Variants in MRPS31 observed in about 807,000 individuals in gnomAD.
MRPS31 encodes small ribosomal subunit protein mS31.
In MRPS31, 32 loss-of-function variants were observed where a neutral mutation model predicts 43.1. The ratio of observed to expected loss-of-function variants is 0.74; its 90% CI spans 0.56 to 1.00. The LOEUF is 1.00. Ranked by LOEUF, MRPS31 falls within the 50% of genes least tolerant of loss-of-function variation. The pLI, the probability that MRPS31 is intolerant of heterozygous loss-of-function variation, is 0.00. For synonymous variants in MRPS31, 165 were observed against 161.6 expected (o/e 1.02, Z -0.16); for missense variants, 437 against 466.7 (o/e 0.94, Z 0.59).
chr13:40,753,969 G>C (rs979865943), intron 5 of MRPS31, 50 bp downstream of exon 5: 2 of 1,160,048 alleles, frequency 1.7e-6, no homozygotes, highest in East Asian at 2.4e-5. Flanking sequence ...GGACATCCTG[G>C]AACGATGGAA....
Position 40,771,085 on chromosome 13 carries a change from G to A in MRPS31, c.52C>T (p.Pro18Ser). The A allele has an allele frequency of 6.2e-7, 1 of 1,614,074 alleles. No individual in the cohort carries two copies. Among genetic ancestry groups the A allele is most frequent in the Non-Finnish European group, 8.5e-7 (1 of 1,179,974 alleles). The change falls in exon 1 of 7, where the codon CCT becomes TCT. Residue 18 changes from proline (P) to serine (S), a missense_variant. Physicochemically the swap from Pro to Ser is moderately conservative, Grantham distance 74. Transcript: ENST00000323563. ...FLPLRPLSRH[P>S]LSSGSPETSA... ...GTCTCCGGGCTTCCAGAGGACAAAGGGTGGCGGGAAAGGGGGCGAAGAGGT... is the reference window on the plus strand; with the variant it reads ...GTCTCCGGGCTTCCAGAGGACAAAGAGTGGCGGGAAAGGGGGCGAAGAGGT...
chr13:40,769,072 T>C (rs1880926304), intron 1 of MRPS31, among the ~76,000 whole-genome samples: 1 of 151,970 alleles, frequency 6.6e-6, no homozygotes, highest in African/African-American at 2.4e-5. Flanking sequence ...TATCAGACCC[T>C]GGGTTAAATA....
chr13:40,767,158 G>T, intron 1 of MRPS31, 125 bp from the exon 2 acceptor site: 8 of 750,456 alleles, frequency 1.1e-5, no homozygotes, highest in South Asian at 2.4e-5. Flanking sequence ...AGCCCTTTCC[G>T]TTGCTTTTTT....
intron 6 of MRPS31, among the ~76,000 whole-genome samples, chr13:40,739,893 A>T (rs1329679090): frequency 2.0e-5 from 3 of 151,970 alleles, no homozygotes; most frequent in African/African-American, 4.8e-5. Flanking sequence ...GGACTTCATG[A>T]CTAAAACACC....
chr13:40,732,627 G>T (rs1459042751), intron 6 of MRPS31, among the ~76,000 whole-genome samples: 2 of 151,980 alleles, frequency 1.3e-5, no homozygotes, highest in Non-Finnish European at 2.9e-5. Context: ...CTAGTACCTG[G>T]AACGCTGGGG....
At position 40,771,128 on chromosome 13, in the gene MRPS31, A is replaced by G. The variant is rs1880999964; in HGVS notation, c.9T>C (p.Pro3=). The part of the protein sequence containing the change: MF[P]RVSTFLPLRP... ...GAAGAGGTAGGAACGTCGAGACTCT[A>G]GGAAACATCGCCGAGACACGAAATG... is the stretch of plus-strand genomic sequence containing the variant. The change falls in exon 1 of 7, where the codon CCT becomes CCC. Residue 3 remains proline (P), a synonymous_variant. Transcript: ENST00000323563. 1.2e-6 allele frequency: 2 copies of G among 1,603,216 alleles called. No individual in the cohort carries two copies. The highest frequency in any genetic ancestry group is 2.2e-5 in the South Asian group (2 of 90,518).
chr13:40,741,493 T>G (rs1442567985), intron 6 of MRPS31, among the ~76,000 whole-genome samples: 1 of 152,102 alleles, frequency 6.6e-6, no homozygotes, highest in Non-Finnish European at 1.5e-5. Context: ...ATGAAAAGAT[T>G]TGTAATCTGG....
chr13:40,729,425 A>G lies in MRPS31; in HGVS notation c.1135T>C (p.Tyr379His), dbSNP rs1237262542. The G allele has an allele frequency of 6.3e-7, 1 of 1,591,334 alleles. No homozygotes were observed. The highest frequency in any genetic ancestry group is 8.6e-7 in the Non-Finnish European group (1 of 1,161,330). Residue 379 changes from tyrosine to histidine, a missense_variant, in exon 7 of 7, where the codon TAT becomes CAT. Coordinates refer to ENST00000323563, the MANE Select transcript of MRPS31 (RefSeq NM_005830.4). ...AGAATATCCTTTTTTTCATTAAAAT[A>G]ATTTCTAAACCACTCTATGTGTTCA... ...KVEHIEWFRN[Y>H]FNEKKDILKE... is the part of the protein sequence containing the mutation.
At chr13:40,753,885 C>T (rs1261385314) in intron 5 of MRPS31, 134 bp downstream of exon 5, 6 of 625,906 alleles carry the variant, frequency 9.6e-6, no homozygotes, top group East Asian at 3.3e-5. Context: ...TTGTAACAAC[C>T]GCCACATTCA....
At chr13:40,751,082 C>T (rs886536385) in intron 5 of MRPS31, among the ~76,000 whole-genome samples, 3 of 152,032 alleles carry the variant, frequency 2.0e-5, no homozygotes, top group African/African-American at 7.2e-5. Flanking sequence ...GAATCTATTT[C>T]TATGAGCCTT....
At chr13:40,739,504 A>G (rs1880018579) in intron 6 of MRPS31, among the ~76,000 whole-genome samples, 1 of 152,206 alleles carries the variant, frequency 6.6e-6, no homozygotes, top group Non-Finnish European at 1.5e-5. Flanking sequence ...CAAAAGAACA[A>G]AGCTGGAGGC....
chr13:40,752,024 TC>T (rs1285665806), intron 5 of MRPS31, among the ~76,000 whole-genome samples: 1 of 151,512 alleles, frequency 6.6e-6, no homozygotes, highest in Non-Finnish European at 1.5e-5. Context: ...ACAACCAATT[TC>T]TTTCTTTCTT....
At chr13:40,755,121 T>G (rs1007194694) in intron 4 of MRPS31, among the ~76,000 whole-genome samples, 3 of 152,258 alleles carry the variant, frequency 2.0e-5, no homozygotes, top group East Asian at 1.9e-4. Context: ...ATTACTTCTC[T>G]CTACTAAATA....
chr13:40,755,711 C>T (rs1335945516), intron 4 of MRPS31, among the ~76,000 whole-genome samples: 2 of 152,226 alleles, frequency 1.3e-5, no homozygotes, highest in Non-Finnish European at 2.9e-5. Flanking sequence ...CTTCCCCTTA[C>T]TCACCTCTGG....
chr13:40,737,131 C>T (rs1314558449), intron 6 of MRPS31, among the ~76,000 whole-genome samples: 57 of 150,274 alleles, frequency 3.8e-4, no homozygotes, highest in African/African-American at 1.3e-3. Flanking sequence ...GGGTTGCAAT[C>T]CTAGTCTCTG....
intron 5 of MRPS31, among the ~76,000 whole-genome samples, chr13:40,750,419 T>C (rs1880353790): frequency 6.6e-6 from 1 of 151,962 alleles, no homozygotes; most frequent in South Asian, 2.1e-4. Context: ...CAAGGAAACT[T>C]TGGAGGGTCA....
Position 40,743,316 on chromosome 13 carries a change from C to CA in MRPS31, c.958+5821dup, listed in dbSNP as rs1219480963. Reference sequence around the variant, plus strand: ...GGCAACAAGAGCGAAAACTCTGTCTCAAAAAAAAAAAAAGCAACTGTAACA... The same window carrying CA: ...GGCAACAAGAGCGAAAACTCTGTCTCAAAAAAAAAAAAAAGCAACTGTAACA... On this transcript the variant is annotated intron_variant, in intron 6 of 6. Coordinates refer to ENST00000323563, the MANE Select transcript of MRPS31 (RefSeq NM_005830.4). Among the ~76,000 whole-genome samples the CA allele has an allele frequency of 5.0e-3, 591 of 117,868 alleles. 7 individuals carry two copies. The East Asian group carries it at 0.069, about 14-fold the overall frequency. The allele number at this position is 117,868 out of a possible 152,430, so 77.3% of individuals were successfully genotyped here.
chr13:40,760,281 T>G (rs75088918), intron 2 of MRPS31, among the ~76,000 whole-genome samples: 1 of 151,804 alleles, frequency 6.6e-6, no homozygotes, highest in East Asian at 1.9e-4. Flanking sequence ...ATGAAAAATG[T>G]AGTGTTTTGC....
At chr13:40,759,624 T>C (rs1275963601) in intron 2 of MRPS31, among the ~76,000 whole-genome samples, 3 of 152,146 alleles carry the variant, frequency 2.0e-5, no homozygotes, top group African/African-American at 7.2e-5. Context: ...TATATAAACT[T>C]TGAAATGTTA....
Sources: allele counts gnomAD v4.1 joint callset (sites outside exome capture counted in the v4.1 genomes callset), GRCh38; gene constraint gnomAD v4.1.1; transcripts MANE v1.5; gene names NCBI Gene and HGNC (gene_info 2026-07-23, HGNC 2026-07-21).